MYO1H: variants seen among roughly 807,000 people sequenced by gnomAD.
The protein encoded by MYO1H is unconventional myosin-Ih.
MYO1H carries 118 observed loss-of-function variants against 149.3 expected under a neutral mutation model. The ratio of observed to expected loss-of-function variants is 0.79; its 90% CI spans 0.68 to 0.92. MYO1H has a LOEUF of 0.92. Ranked by LOEUF, MYO1H falls within the 40% of genes least tolerant of loss-of-function variation. MYO1H has a pLI of 0.00. For missense variants in MYO1H, 1,212 were observed against 1,280.7 expected (o/e 0.95, Z 0.82); for synonymous variants, 447 against 465.2 (o/e 0.96, Z 0.50).
At chr12:109,442,521 G>A (rs1457460534) in intron 27 of MYO1H, among the ~76,000 whole-genome samples, 1 of 152,168 alleles carries the variant, frequency 6.6e-6, no homozygotes, top group African/African-American at 2.4e-5. Context: ...CTACAAAATT[G>A]AATGAAGTGT....
intron 16 of MYO1H, among the ~76,000 whole-genome samples, chr12:109,424,519 G>A (rs10774692): frequency 4.6e-5 from 7 of 151,964 alleles, no homozygotes; most frequent in African/African-American, 1.5e-4. Flanking sequence ...GGACAATGTC[G>A]GAGAAAAAAC....
intron 1 of MYO1H, among the ~76,000 whole-genome samples, chr12:109,362,799 C>G (rs756861341): frequency 6.6e-6 from 1 of 152,210 alleles, no homozygotes. Context: ...GGCAAAGTCA[C>G]CCAGTTTCTA....
At chr12:109,409,589 G>C in exon 11 of MYO1H, 2 of 1,613,726 alleles carry the variant, frequency 1.2e-6, no homozygotes, top group South Asian at 1.1e-5. Context: ...TTGGATTACT[G>C]GACATCTATG....
At chr12:109,397,833 C>G (rs1869979683) in intron 5 of MYO1H, 21 bp downstream of exon 5, 1 of 1,579,638 alleles carries the variant, frequency 6.3e-7, no homozygotes, top group Non-Finnish European at 8.6e-7. Flanking sequence ...GCTCCTATTA[C>G]TGGTTCATGG....
At chr12:109,434,299 C>T (rs556122084) in intron 20 of MYO1H, among the ~76,000 whole-genome samples, 1 of 152,266 alleles carries the variant, frequency 6.6e-6, no homozygotes, top group Non-Finnish European at 1.5e-5. Context: ...CGTGAGCCAC[C>T]GCGCCCAGCG....
At chr12:109,394,953 G>A (rs1482044389) in intron 3 of MYO1H, among the ~76,000 whole-genome samples, 1 of 152,094 alleles carries the variant, frequency 6.6e-6, no homozygotes, top group African/African-American at 2.4e-5. Context: ...ATAGAGACAG[G>A]GTCTCAGTGT....
At chr12:109,335,566 A>AAAAC in the MYO1H span, among the ~76,000 whole-genome samples, 2 of 133,980 alleles carry the variant, frequency 1.5e-5, no homozygotes, top group Admixed American at 8.3e-5. Context: ...TCTTTTGTAA[A>AAAAC]AAACAAACAA....
At chr12:109,396,814 GTTTTTTTTTTT>G (rs60551691) in intron 4 of MYO1H, among the ~76,000 whole-genome samples, 4 of 51,072 alleles carry the variant, frequency 7.8e-5, no homozygotes, top group South Asian at 7.4e-4. Context: ...TTTTGGTTTC[GTTTTTTTTTTT>G]TTTTTTTTTT....
rs1782988649 is a variant in MYO1H at position 109,401,091 on chromosome 12, AG to A, written c.572del. 3.1e-6 allele frequency: 5 copies of A among 1,613,112 alleles called. No homozygotes were observed. Among genetic ancestry groups the A allele is most frequent in the Non-Finnish European group, 4.2e-6 (5 of 1,179,210 alleles). ...TGCTGCAATTTTTGTTCTGTTTTGA[AG>A]GGCATTCCCGTAGGTGGGCATATCA... On this transcript the variant is annotated splice_acceptor_variant, in intron 5 of 31. Transcript: ENST00000310903. LOFTEE classifies it high-confidence loss of function.
At chr12:109,440,667 A>T (rs1872077409) in intron 24 of MYO1H, 77 bp from the exon 25 acceptor site, 3 of 1,055,484 alleles carry the variant, frequency 2.8e-6, no homozygotes, top group South Asian at 2.8e-5. Context: ...GTGTTTTTTT[A>T]AAGCTTCATT....
intron 15 of MYO1H, among the ~76,000 whole-genome samples, chr12:109,418,452 C>T (rs1302822578): frequency 2.0e-5 from 3 of 151,936 alleles, no homozygotes; most frequent in Admixed American, 6.6e-5. Context: ...GGGGTTCAAG[C>T]GATTCTCCTG....
At chr12:109,339,940 G>A in the MYO1H span, among the ~76,000 whole-genome samples, 885 of 152,196 alleles carry the variant, frequency 5.8e-3, 8 homozygotes, top group African/African-American at 0.02. Context: ...TGTAAACCTC[G>A]ACTCAGTAAT....
intron 1 of MYO1H, among the ~76,000 whole-genome samples, chr12:109,370,600 A>AT (rs1868961124): frequency 6.6e-6 from 1 of 152,206 alleles, no homozygotes; most frequent in Non-Finnish European, 1.5e-5. Flanking sequence ...AATAAATAGA[A>AT]AGGGCTACTA....
chr12:109,443,252 A>G lies in MYO1H; in HGVS notation c.2689-262A>G, dbSNP rs529948265. 8.8e-4 allele frequency among the ~76,000 whole-genome samples: 130 copies of G among 148,384 alleles called. 31 individuals are homozygous for G. The highest frequency in any genetic ancestry group is 1.4e-3 in the Admixed American group (21 of 14,946). On this transcript the variant is annotated intron_variant, in intron 27 of 31. Transcript: ENST00000310903. ...TATATGTGTACGTATATGTGTGTGT[A>G]TATGTGTACGTATATGTGTGTGTAT...
At chr12:109,401,036 C>A in intron 5 of MYO1H, 57 bp from the exon 6 acceptor site, 1 of 1,496,256 alleles carries the variant, frequency 6.7e-7, no homozygotes, top group Non-Finnish European at 9.2e-7. Context: ...TCAGGAGATG[C>A]CAGGAAGAGA....
the MYO1H span, among the ~76,000 whole-genome samples, chr12:109,337,929 A>G: frequency 6.6e-6 from 1 of 152,164 alleles, no homozygotes; most frequent in Admixed American, 6.5e-5. Context: ...ATCTTTGTGA[A>G]TGTATATGTG....
chr12:109,365,042 G>A (rs74899658), intron 1 of MYO1H, among the ~76,000 whole-genome samples: 5,657 of 152,230 alleles, frequency 0.037, 118 homozygotes, highest in Middle Eastern at 0.054. Context: ...AGGCCGAGGC[G>A]GGAGGATCGC....
intron 1 of MYO1H, among the ~76,000 whole-genome samples, chr12:109,355,539 G>A (rs889508428): frequency 5.3e-5 from 8 of 152,020 alleles, no homozygotes; most frequent in Non-Finnish European, 8.8e-5. Context: ...GATACCTGTC[G>A]AGCATGCAGC....
At chr12:109,443,585 G>A in exon 28 of MYO1H, 1 of 1,613,814 alleles carries the variant, frequency 6.2e-7, no homozygotes, top group Non-Finnish European at 8.5e-7. Flanking sequence ...TTCTTACTCA[G>A]AAAGCAGCTT....
Sources: allele counts gnomAD v4.1 joint callset (sites outside exome capture counted in the v4.1 genomes callset), GRCh38; gene constraint gnomAD v4.1.1; transcripts MANE v1.5; gene names NCBI Gene and HGNC (gene_info 2026-07-23, HGNC 2026-07-21).